Variants in ATP13A4 observed in about 807,000 individuals in gnomAD.
The protein encoded by ATP13A4 is probable cation-transporting ATPase 13A4.
Under a neutral mutation model 142.5 loss-of-function variants are expected in ATP13A4, and 114 were observed. That is an observed-to-expected ratio of 0.80 (90% CI 0.69 to 0.93). The LOEUF (loss-of-function observed/expected upper bound fraction) is 0.93. Among genes scored for constraint, ATP13A4 ranks in the 40% least tolerant of loss-of-function variants. ATP13A4 has a pLI of 0.00. For synonymous variants in ATP13A4, 488 were observed against 514.8 expected, an observed-to-expected ratio of 0.95 and a Z score of 0.70; for missense variants, 1,392 against 1,454.0, an observed-to-expected ratio of 0.96 and a Z score of 0.69.
chr3:193,435,650 AG>A lies in ATP13A4; in HGVS notation c.2766del (p.Trp923GlyfsTer24). The part of the protein sequence containing the change: ...MIQYVGVLLL[Y>X]WETNSLSNYQ... ...AGAGGCTAAGTCCCAAGTCATACCC[AG>A]TAGAGCAGCAGAACACCAACATACT... On this transcript the variant is annotated frameshift_variant, in exon 24 of 30. Transcript: ENST00000342695. LOFTEE classifies it high-confidence loss of function. 6.2e-7 allele frequency: 1 copy of A among 1,612,868 alleles called. No homozygotes were observed. Among genetic ancestry groups the A allele is most frequent in the Non-Finnish European group, 8.5e-7 (1 of 1,178,894 alleles).
intron 1 of ATP13A4, chr3:193,554,340 C>T (rs192963476): frequency 7.3e-6 from 2 of 272,434 alleles, no homozygotes; most frequent in Admixed American, 4.9e-5. Flanking sequence ...CACTGCTGAA[C>T]TTCTGCTTCT....
intron 1 of ATP13A4, among the ~76,000 whole-genome samples, chr3:193,542,491 A>AC (rs1722985968): frequency 6.6e-6 from 1 of 151,878 alleles, no homozygotes; most frequent in Admixed American, 6.6e-5. Context: ...TTTATATGGT[A>AC]CCCAAAAAAA....
chr3:193,475,028 A>G (rs1413918650), intron 8 of ATP13A4, among the ~76,000 whole-genome samples: 2 of 152,100 alleles, frequency 1.3e-5, no homozygotes, highest in Non-Finnish European at 2.9e-5. Flanking sequence ...GGAATCAGTC[A>G]CTGACACATT....
chr3:193,573,305 A>ATTCTTT (rs1553862284), intron 2 of ATP13A4, among the ~76,000 whole-genome samples: 1 of 129,034 alleles, frequency 7.7e-6, no homozygotes, highest in Admixed American at 7.5e-5. Context: ...ATATATATAT[A>ATTCTTT]TACATATATA....
chr3:193,479,551 A>G (rs1430495946), intron 8 of ATP13A4, among the ~76,000 whole-genome samples: 1 of 152,144 alleles, frequency 6.6e-6, no homozygotes, highest in Non-Finnish European at 1.5e-5. Context: ...ACTTAGAAAT[A>G]CGCCTAAACA....
At chr3:193,514,909 G>T (rs1721328797) in intron 1 of ATP13A4, 38 bp from the exon 2 acceptor site, 5 of 1,595,568 alleles carry the variant, frequency 3.1e-6, no homozygotes. Flanking sequence ...TATTGGTTAA[G>T]CACAATAAAC....
At chr3:193,567,503 C>A (rs185934519) in intron 2 of ATP13A4, among the ~76,000 whole-genome samples, 1 of 152,160 alleles carries the variant, frequency 6.6e-6, no homozygotes, top group Non-Finnish European at 1.5e-5. Flanking sequence ...ACAATCTCTC[C>A]GATGCAGTCC....
At chr3:193,483,001 C>T (rs1193531124) in intron 8 of ATP13A4, among the ~76,000 whole-genome samples, 1 of 152,056 alleles carries the variant, frequency 6.6e-6, no homozygotes, top group Non-Finnish European at 1.5e-5. Flanking sequence ...AATGCATCAA[C>T]AGGTGAATGG....
chr3:193,435,395 A>G (rs1327208414), intron 24 of ATP13A4, among the ~76,000 whole-genome samples: 2 of 152,208 alleles, frequency 1.3e-5, no homozygotes, highest in African/African-American at 4.8e-5. Flanking sequence ...AAGTAGCAGC[A>G]ATATATTCAG....
At chr3:193,549,603 G>A (rs1211949513) in intron 1 of ATP13A4, among the ~76,000 whole-genome samples, 1 of 152,138 alleles carries the variant, frequency 6.6e-6, no homozygotes, top group African/African-American at 2.4e-5. Context: ...GCCAAGGCAG[G>A]TGGATCTCTT....
At chr3:193,573,272 T>C (rs929946525) in intron 2 of ATP13A4, among the ~76,000 whole-genome samples, 5 of 94,516 alleles carry the variant, frequency 5.3e-5, no homozygotes, top group South Asian at 3.2e-4. Context: ...TATATATATA[T>C]ATACATATAT....
intron 28 of ATP13A4, 141 bp downstream of exon 28, chr3:193,410,841 A>G: frequency 1.6e-6 from 1 of 628,344 alleles, no homozygotes; most frequent in Non-Finnish European, 2.8e-6. Context: ...ATATAGATAA[A>G]TTTAGCATTT....
At chr3:193,419,441 G>C (rs534174651) in intron 25 of ATP13A4, among the ~76,000 whole-genome samples, 1 of 150,060 alleles carries the variant, frequency 6.7e-6, no homozygotes, top group Non-Finnish European at 1.5e-5. Flanking sequence ...TTGCCTTCTG[G>C]GAAAATGGTA....
chr3:193,524,221 T>C (rs1270391163), intron 1 of ATP13A4, among the ~76,000 whole-genome samples: 2 of 152,040 alleles, frequency 1.3e-5, no homozygotes, highest in African/African-American at 4.8e-5. Flanking sequence ...AGGGTGGGGG[T>C]ATGGGAACCT....
At chr3:193,465,775 G>A (rs1378150905) in intron 11 of ATP13A4, among the ~76,000 whole-genome samples, 2 of 152,142 alleles carry the variant, frequency 1.3e-5, no homozygotes, top group African/African-American at 2.4e-5. Flanking sequence ...TAAAGTGTGA[G>A]GAAAAGAGAA....
chr3:193,443,574 T>C (rs764747477), intron 18 of ATP13A4, among the ~76,000 whole-genome samples: 12 of 152,172 alleles, frequency 7.9e-5, no homozygotes, highest in Non-Finnish European at 1.6e-4. Context: ...CATAACATAA[T>C]ATTCAAAATG....
At chr3:193,445,261 C>T (rs1346533728) in intron 18 of ATP13A4, among the ~76,000 whole-genome samples, 3 of 151,724 alleles carry the variant, frequency 2.0e-5, no homozygotes, top group Non-Finnish European at 2.9e-5. Context: ...CATGGTGAAA[C>T]CCTGTCTCTA....
intron 25 of ATP13A4, among the ~76,000 whole-genome samples, chr3:193,417,498 T>C (rs1380514714): frequency 6.6e-6 from 1 of 152,246 alleles, no homozygotes; most frequent in Non-Finnish European, 1.5e-5. Context: ...TAATTCAAAC[T>C]ACACTGTTAT....
At chr3:193,436,526 C>A (rs187431547) in intron 23 of ATP13A4, among the ~76,000 whole-genome samples, 296 of 152,082 alleles carry the variant, frequency 1.9e-3, no homozygotes, top group African/African-American at 6.5e-3. Flanking sequence ...CAGCTCACTG[C>A]AACCTCTGCC....
Sources: gnomAD v4.1 joint callset for allele counts (sites outside exome capture counted in the v4.1 genomes callset) on GRCh38, gnomAD v4.1.1 for gene constraint, MANE v1.5 for transcripts, NCBI Gene and HGNC (gene_info 2026-07-23, HGNC 2026-07-21) for gene names.